SETD5: variants seen among roughly 807,000 people sequenced by gnomAD.
SETD5 encodes the protein SET domain containing 5, also known as histone-lysine N-methyltransferase SETD5.
A neutral mutation model predicts 153.3 loss-of-function variants in SETD5; 44 were observed. The observed-to-expected ratio is 0.29, with a 90% CI of 0.23 to 0.37. The LOEUF is 0.37. SETD5 is among the 10% of genes least tolerant of loss of function. SETD5 has a pLI of 1.00. For synonymous variants in SETD5, 716 were observed against 645.2 expected (o/e 1.11, Z -1.66); for missense variants, 1,544 against 1,768.0 (o/e 0.87, Z 2.27).
intron 1 of SETD5, among the ~76,000 whole-genome samples, chr3:9,412,379 A>G (rs896927882): frequency 3.8e-5 from 5 of 131,138 alleles, no homozygotes; most frequent in Non-Finnish European, 6.7e-5. Context: ...TACAGTGCAC[A>G]GTTTTGGGTT....
rs747372821 is a variant in SETD5 at position 9,476,011 on chromosome 3, C to T, written c.4249C>T (p.Arg1417Cys). The T allele has an allele frequency of 5.0e-6, 8 of 1,613,978 alleles. No individual in the cohort carries two copies. Among genetic ancestry groups the T allele is most frequent in the Non-Finnish European group, 6.8e-6 (8 of 1,179,882 alleles). The change falls in exon 23 of 23, where the codon CGT (arginine) becomes TGT (cysteine). Residue 1417 changes from arginine to cysteine, a missense_variant. Coordinates refer to ENST00000402198, the MANE Select transcript of SETD5 (RefSeq NM_001080517.3). Reference protein sequence around the residue: ...AVSNSQHYPHRGSGGVHQYRL... With the variant: ...AVSNSQHYPHCGSGGVHQYRL... Reference sequence around the variant, plus strand: ...TTCCAATTCACAGCACTACCCACACCGTGGGAGTGGGGGTGTGCACCAGTA... The same window carrying T: ...TTCCAATTCACAGCACTACCCACACTGTGGGAGTGGGGGTGTGCACCAGTA...
At position 9,445,750 on chromosome 3, in the gene SETD5, G is replaced by T. The variant is rs199666469; in HGVS notation, c.1524+10G>T. 1 of 1,591,368 alleles carries T rather than the reference G, an allele frequency of 6.3e-7. No homozygotes were observed. The highest frequency in any genetic ancestry group is 1.4e-5 in the African/African-American group (1 of 74,028). ...AGCTCATAGCAGGAGGGTGAGTACT[G>T]TCTGACATTACTTTGCTCCTTCTCA... On this transcript the variant is annotated intron_variant, in intron 13 of 22. Coordinates refer to ENST00000402198, the MANE Select transcript of SETD5 (RefSeq NM_001080517.3).
chr3:9,419,341 A>G (rs993997852), intron 1 of SETD5, among the ~76,000 whole-genome samples: 7 of 152,256 alleles, frequency 4.6e-5, no homozygotes, highest in Non-Finnish European at 8.8e-5. Context: ...TCTACATAAT[A>G]TAAATCCCAA....
chr3:9,427,385 A>G (rs1422363814), intron 2 of SETD5, among the ~76,000 whole-genome samples: 1 of 152,144 alleles, frequency 6.6e-6, no homozygotes, highest in African/African-American at 2.4e-5. Flanking sequence ...CTTCATCTCT[A>G]CTAAAAGTAC....
chr3:9,473,313 G>A lies in SETD5; in HGVS notation c.3273G>A (p.Gln1091=). 1.9e-6 allele frequency: 3 copies of A among 1,613,996 alleles called. No homozygotes were observed. The highest frequency in any genetic ancestry group is 2.5e-6 in the Non-Finnish European group (3 of 1,179,886). The stretch of plus-strand genomic sequence containing the variant: ...CTGGTGGGGGAGGTGACTCTGCACA[G>A]AGCAAAAGCAAGTCTGCAGGAGCTG... ...NSAGGGGDSA[Q]SKSKSAGAGQ... The change falls in exon 20 of 23, where the codon CAG becomes CAA. Residue 1091 remains glutamine, a synonymous_variant. Transcript: ENST00000402198.
Position 9,445,263 on chromosome 3 carries a change from A to T in SETD5, c.1403A>T (p.Glu468Val), listed in dbSNP as rs1451262448. ...GAGAATAATGACCAGCAATCACAAG[A>T]AGTTCCAGAAAAAGTAACTGTATCC... ...SEENNDQQSQ[E>V]VPEKVTVSSD... The change falls in exon 12 of 23, where the codon GAA (glutamate) becomes GTA (valine). Residue 468 changes from glutamate to valine, a missense_variant. Coordinates refer to ENST00000402198, the MANE Select transcript of SETD5 (RefSeq NM_001080517.3). 1.2e-6 allele frequency: 2 copies of T among 1,608,968 alleles called. No homozygotes were observed. Among genetic ancestry groups the T allele is most frequent in the Admixed American group, 3.4e-5 (2 of 59,082 alleles).
rs767554946 is a variant in SETD5 at position 9,448,471 on chromosome 3, A to T, written c.2187A>T (p.Pro729=). ...GCCCTTTACGTATCACAACGGATCCAACTGTACTGGCAACGACCCTAAACA... is the reference window on the plus strand; with the variant it reads ...GCCCTTTACGTATCACAACGGATCCTACTGTACTGGCAACGACCCTAAACA... The part of the protein sequence containing the change: ...VECPLRITTD[P]TVLATTLNML... Residue 729 remains proline, a synonymous_variant, in exon 16 of 23, where the codon CCA becomes CCT. Coordinates refer to ENST00000402198, the MANE Select transcript of SETD5 (RefSeq NM_001080517.3). The T allele has an allele frequency of 6.8e-6, 11 of 1,613,906 alleles. No homozygotes were observed. The highest frequency in any genetic ancestry group is 1.3e-5 in the African/African-American group (1 of 74,924).
At chr3:9,407,061 C>T (rs1162483213) in intron 1 of SETD5, among the ~76,000 whole-genome samples, 1 of 152,202 alleles carries the variant, frequency 6.6e-6, no homozygotes, top group Admixed American at 6.5e-5. Context: ...GGCGTGGCGG[C>T]TCACACTTGT....
intron 1 of SETD5, among the ~76,000 whole-genome samples, chr3:9,420,084 A>G (rs1575273271): frequency 2.0e-5 from 3 of 152,234 alleles, no homozygotes; most frequent in East Asian, 3.8e-4. Context: ...TTTGGTACTT[A>G]GAAGTCTAAA....
At chr3:9,430,085 C>T (rs2039783778) in intron 3 of SETD5, 7 of 1,052,484 alleles carry the variant, frequency 6.7e-6, no homozygotes, top group Non-Finnish European at 8.1e-6. Flanking sequence ...GTTTCTCTTG[C>T]CATTTTCACA....
chr3:9,420,473 C>T (rs1017698499), intron 1 of SETD5, among the ~76,000 whole-genome samples: 9 of 151,740 alleles, frequency 5.9e-5, no homozygotes, highest in Non-Finnish European at 7.4e-5. Flanking sequence ...TTTATTGTGC[C>T]GAGCTCAGTA....
At position 9,473,250 on chromosome 3, in the gene SETD5, G is replaced by A. The variant is rs752028859; in HGVS notation, c.3210G>A (p.Glu1070=). The A allele has an allele frequency of 9.9e-6, 16 of 1,612,646 alleles. No homozygotes were observed. Among genetic ancestry groups the A allele is most frequent in the Admixed American group, 5.0e-5 (3 of 59,968 alleles). ...PPQRKKVSLL[E]YRKRKQEAKE... is the part of the protein sequence containing the mutation. ...TTCCTTTCTAGGTATCCCTGCTGGA[G>A]TACCGAAAACGGAAACAAGAAGCTA... is the stretch of plus-strand genomic sequence containing the variant. The change falls in exon 20 of 23, where the codon GAG becomes GAA. Residue 1070 remains glutamate (E), a synonymous_variant. Transcript: ENST00000402198.
intron 18 of SETD5, 59 bp downstream of exon 18, chr3:9,464,731 C>T (rs747212132): frequency 6.2e-7 from 1 of 1,610,292 alleles, no homozygotes; most frequent in Non-Finnish European, 8.5e-7. Flanking sequence ...TGTACCTTCT[C>T]ATTTCAAATA....
At chr3:9,439,346 A>G (rs2040990610) in intron 7 of SETD5, among the ~76,000 whole-genome samples, 1 of 151,862 alleles carries the variant, frequency 6.6e-6, no homozygotes, top group African/African-American at 2.4e-5. Flanking sequence ...AGGATAGTAG[A>G]CAATAATCAG....
intron 1 of SETD5, among the ~76,000 whole-genome samples, chr3:9,412,388 T>TG (rs2036709524): frequency 1.5e-5 from 1 of 68,576 alleles, no homozygotes; most frequent in Non-Finnish European, 2.6e-5. Context: ...CAGTTTTGGG[T>TG]TTTTTTTTTT....
In SETD5 at chr3:9,435,855, G is replaced by A. The variant is rs1032214787; in HGVS notation, c.516G>A (p.Arg172=). Residue 172 remains arginine, a synonymous_variant, in exon 7 of 23, where the codon CGG becomes CGA. Coordinates refer to ENST00000402198, the MANE Select transcript of SETD5 (RefSeq NM_001080517.3). The part of the protein sequence containing the change: ...LTVRRTKPKK[R]KKSPEKGRAA... ...TTAGAAGAACCAAACCCAAGAAGCG[G>A]AAAAAGAGTCCAGAAAAGGGTCGTG... 6.3e-7 allele frequency: 1 copy of A among 1,599,162 alleles called. No homozygotes were observed. The highest frequency in any genetic ancestry group is 8.5e-7 in the Non-Finnish European group (1 of 1,172,572).
Position 9,435,764 on chromosome 3 carries a change from A to C in SETD5, c.425A>C (p.Glu142Ala), listed in dbSNP as rs2040498610. ...DSSATESWDE[E>A]LSPSTVLYTA... ...AGTGCAACAGAAAGCTGGGATGAGG[A>C]GCTTTCTCCTTCCACTGTGTTGTAT... Residue 142 changes from glutamate to alanine, a missense_variant, in exon 7 of 23, where the codon GAG (glutamate) becomes GCG (alanine). Around this residue, in one of 9 missense-constraint regions of SETD5, gnomAD observed 251 missense variants for 326.9 expected, o/e 0.77. Coordinates refer to ENST00000402198, the MANE Select transcript of SETD5 (RefSeq NM_001080517.3). 1 of 1,601,130 alleles carries C rather than the reference A, an allele frequency of 6.2e-7. No homozygotes were observed. Among genetic ancestry groups the C allele is most frequent in the Non-Finnish European group, 8.5e-7 (1 of 1,174,510 alleles).
chr3:9,456,992 G>GA (rs2043332635), intron 17 of SETD5, among the ~76,000 whole-genome samples: 1 of 150,996 alleles, frequency 6.6e-6, no homozygotes, highest in Admixed American at 6.6e-5. Flanking sequence ...AAGAAAGAAA[G>GA]AAAGAGAGGG....
intron 15 of SETD5, among the ~76,000 whole-genome samples, 174 bp downstream of exon 15, chr3:9,448,180 T>G (rs2042232624): frequency 6.6e-6 from 1 of 152,202 alleles, no homozygotes; most frequent in Non-Finnish European, 1.5e-5. Flanking sequence ...TTATTTTTAG[T>G]CAGCTTAAAT....
Sources: allele counts gnomAD v4.1 joint callset (sites outside exome capture counted in the v4.1 genomes callset), GRCh38; gene constraint gnomAD v4.1.1; regional missense constraint gnomAD v4.1.1; transcripts MANE v1.5; gene names NCBI Gene and HGNC (gene_info 2026-07-23, HGNC 2026-07-21).